PABPC4L: variants seen among roughly 807,000 people sequenced by gnomAD.
PABPC4L encodes poly(A) binding protein cytoplasmic 4 like.
For synonymous variants in PABPC4L, 169 were observed against 164.1 expected (o/e 1.03, Z -0.23); for missense variants, 452 against 451.4 (o/e 1.00, Z -0.01).
the PABPC4L span, among the ~76,000 whole-genome samples, chr4:134,056,566 T>C: frequency 6.6e-6 from 1 of 151,952 alleles, no homozygotes; most frequent in Admixed American, 6.6e-5. Context: ...GTTAGAATTA[T>C]ACCTAAATAT....
the PABPC4L span, among the ~76,000 whole-genome samples, chr4:133,993,389 G>C: frequency 6.6e-6 from 1 of 152,176 alleles, no homozygotes; most frequent in East Asian, 1.9e-4. Flanking sequence ...ACCATTATCA[G>C]TTTTAATTTT....
At chr4:134,065,953 T>C in the PABPC4L span, among the ~76,000 whole-genome samples, 1 of 152,148 alleles carries the variant, frequency 6.6e-6, no homozygotes, top group South Asian at 2.1e-4. Context: ...GGATGTCTAC[T>C]CTGTTCCATT....
chr4:134,047,603 TA>T, the PABPC4L span, among the ~76,000 whole-genome samples: 1 of 152,026 alleles, frequency 6.6e-6, no homozygotes, highest in South Asian at 2.1e-4. Context: ...GCTCTGCAGA[TA>T]AATGGGAAAA....
At chr4:134,115,692 AG>A in the PABPC4L span, among the ~76,000 whole-genome samples, 1 of 151,788 alleles carries the variant, frequency 6.6e-6, no homozygotes, top group Non-Finnish European at 1.5e-5. Context: ...AGAAATAGTG[AG>A]GGTTTCGCTG....
At chr4:134,104,626 A>C in the PABPC4L span, among the ~76,000 whole-genome samples, 1 of 151,684 alleles carries the variant, frequency 6.6e-6, no homozygotes, top group Admixed American at 6.6e-5. Context: ...CTCACAGGCC[A>C]AAATATGGTG....
the PABPC4L span, among the ~76,000 whole-genome samples, chr4:134,106,132 C>T: frequency 2.0e-5 from 3 of 151,402 alleles, no homozygotes; most frequent in South Asian, 2.1e-4. Flanking sequence ...TACTGAAAGC[C>T]GTGATTTGTC....
the PABPC4L span, among the ~76,000 whole-genome samples, chr4:134,143,669 A>G: frequency 1.2e-4 from 18 of 151,404 alleles, no homozygotes; most frequent in Non-Finnish European, 2.2e-4. Context: ...GAATTTCCCC[A>G]TAACTCAGTT....
chr4:133,987,030 C>T, the PABPC4L span, among the ~76,000 whole-genome samples: 1 of 152,148 alleles, frequency 6.6e-6, no homozygotes, highest in Non-Finnish European at 1.5e-5. Context: ...ACCACCGCAC[C>T]TGGCTGAGAC....
At chr4:134,071,003 C>A in the PABPC4L span, among the ~76,000 whole-genome samples, 1 of 152,284 alleles carries the variant, frequency 6.6e-6, no homozygotes, top group South Asian at 2.1e-4. Context: ...TGCAGATGTT[C>A]CCATACCAAA....
At chr4:133,967,756 C>T in the PABPC4L span, among the ~76,000 whole-genome samples, 17 of 152,232 alleles carry the variant, frequency 1.1e-4, no homozygotes, top group African/African-American at 3.9e-4. Flanking sequence ...ATGAGCAGAA[C>T]TATAAGAATG....
chr4:134,078,521 T>C, the PABPC4L span, among the ~76,000 whole-genome samples: 1 of 152,134 alleles, frequency 6.6e-6, no homozygotes, highest in Non-Finnish European at 1.5e-5. Flanking sequence ...TGGGCTAATG[T>C]TGGTCAGAGT....
chr4:134,183,373 G>A, the PABPC4L span, among the ~76,000 whole-genome samples: 16 of 151,662 alleles, frequency 1.1e-4, no homozygotes, highest in East Asian at 5.8e-4. Flanking sequence ...ACCGGATATC[G>A]TACGTTCTCA....
At chr4:133,965,497 C>A in the PABPC4L span, among the ~76,000 whole-genome samples, 1 of 151,918 alleles carries the variant, frequency 6.6e-6, no homozygotes, top group Non-Finnish European at 1.5e-5. Context: ...AAAAAAGAGC[C>A]CACATAGCCA....
the PABPC4L span, among the ~76,000 whole-genome samples, chr4:133,995,380 C>T: frequency 6.6e-6 from 1 of 152,114 alleles, no homozygotes; most frequent in African/African-American, 2.4e-5. Flanking sequence ...TGTTTCAGTC[C>T]CCACCAGTTG....
chr4:134,153,826 T>A, the PABPC4L span, among the ~76,000 whole-genome samples: 1 of 147,550 alleles, frequency 6.8e-6, no homozygotes, highest in African/African-American at 2.5e-5. Flanking sequence ...TTTTTTTTTT[T>A]TTTTTTTTTT....
the PABPC4L span, among the ~76,000 whole-genome samples, chr4:134,047,895 A>T: frequency 6.6e-6 from 1 of 151,114 alleles, no homozygotes; most frequent in Non-Finnish European, 1.5e-5. Context: ...AGGGAGTTGG[A>T]GAAGGAGAGT....
the PABPC4L span, among the ~76,000 whole-genome samples, chr4:134,039,781 C>T: frequency 2.0e-5 from 3 of 151,978 alleles, no homozygotes; most frequent in Non-Finnish European, 2.9e-5. Flanking sequence ...ATCTAATCTG[C>T]CAGTCTTTGT....
chr4:134,090,801 T>G, the PABPC4L span, among the ~76,000 whole-genome samples: 1 of 151,972 alleles, frequency 6.6e-6, no homozygotes, highest in African/African-American at 2.4e-5. Context: ...TTGCTGCCTA[T>G]GAAATGATGC....
the PABPC4L span, among the ~76,000 whole-genome samples, chr4:133,999,176 T>G: frequency 1.3e-5 from 2 of 152,146 alleles, no homozygotes; most frequent in Non-Finnish European, 2.9e-5. Flanking sequence ...TTTCCCTGTT[T>G]CTTTGGGTCT....
Sources: gnomAD v4.1 joint callset for allele counts (sites outside exome capture counted in the v4.1 genomes callset) on GRCh38, gnomAD v4.1.1 for gene constraint, MANE v1.5 for transcripts, NCBI Gene and HGNC (gene_info 2026-07-23, HGNC 2026-07-21) for gene names.